Variants in OR1J2 observed in about 807,000 individuals in gnomAD.
OR1J2 encodes the protein olfactory receptor family 1 subfamily J member 2.
For synonymous variants in OR1J2, 142 were observed against 99.7 expected, an observed-to-expected ratio of 1.42 and a Z score of -2.52; for missense variants, 304 against 246.1, an observed-to-expected ratio of 1.24 and a Z score of -1.57.
chr9:122,553,793 T>C, the OR1J2 span: 60 of 1,613,992 alleles, frequency 3.7e-5, no homozygotes, highest in African/African-American at 4.8e-4. Flanking sequence ...CCTGCTCAGA[T>C]ACCCATGTAA....
At chr9:122,575,801 CA>C in the OR1J2 span, among the ~76,000 whole-genome samples, 4 of 152,100 alleles carry the variant, frequency 2.6e-5, no homozygotes, top group African/African-American at 9.7e-5. Flanking sequence ...TAATACAATT[CA>C]ATATTATTAA....
chr9:122,569,115 C>T, the OR1J2 span, among the ~76,000 whole-genome samples: 1 of 152,000 alleles, frequency 6.6e-6, no homozygotes, highest in Non-Finnish European at 1.5e-5. Flanking sequence ...GACTGTTGAA[C>T]GCAGTCAATA....
the OR1J2 span, among the ~76,000 whole-genome samples, chr9:122,536,224 C>G: frequency 0.016 from 2,468 of 152,214 alleles, 63 homozygotes; most frequent in African/African-American, 0.057. Context: ...TTGCTGCCCC[C>G]TTACAACAAG....
the OR1J2 span, among the ~76,000 whole-genome samples, chr9:122,530,983 A>T: frequency 6.6e-6 from 1 of 152,218 alleles, no homozygotes; most frequent in Non-Finnish European, 1.5e-5. Context: ...ATGATGGCTT[A>T]GCTTAGGCTC....
At chr9:122,473,546 T>C in the OR1J2 span, among the ~76,000 whole-genome samples, 3 of 152,224 alleles carry the variant, frequency 2.0e-5, no homozygotes, top group Non-Finnish European at 4.4e-5. Context: ...TTTGTTTTCC[T>C]ATTGGATATA....
chr9:122,522,997 A>G, the OR1J2 span, among the ~76,000 whole-genome samples: 1 of 152,220 alleles, frequency 6.6e-6, no homozygotes, highest in Non-Finnish European at 1.5e-5. Context: ...ATACACTGTT[A>G]CTATCTATAT....
chr9:122,562,459 A>T, the OR1J2 span, among the ~76,000 whole-genome samples: 1 of 151,992 alleles, frequency 6.6e-6, no homozygotes, highest in East Asian at 1.9e-4. Flanking sequence ...AGGGGCTCTC[A>T]AGTGGGATCT....
At chr9:122,454,448 G>T in the OR1J2 span, among the ~76,000 whole-genome samples, 2 of 152,064 alleles carry the variant, frequency 1.3e-5, no homozygotes, top group African/African-American at 4.8e-5. Context: ...AACCTTCTAG[G>T]CTGAGGTTGC....
the OR1J2 span, among the ~76,000 whole-genome samples, chr9:122,557,058 A>G: frequency 6.6e-6 from 1 of 152,138 alleles, no homozygotes; most frequent in Non-Finnish European, 1.5e-5. Flanking sequence ...TATGTAAGAG[A>G]GCAACTGGCT....
chr9:122,563,694 A>G, the OR1J2 span, among the ~76,000 whole-genome samples: 4 of 152,348 alleles, frequency 2.6e-5, no homozygotes, highest in East Asian at 3.9e-4. Context: ...AGCCAGATCA[A>G]TGTCATAAAG....
chr9:122,546,294 G>A, the OR1J2 span, among the ~76,000 whole-genome samples: 742 of 152,162 alleles, frequency 4.9e-3, 1 homozygote, highest in Non-Finnish European at 8.1e-3. Context: ...ACAATTTTTT[G>A]CCACTCTTCC....
chr9:122,524,035 T>C, the OR1J2 span, among the ~76,000 whole-genome samples: 1 of 152,178 alleles, frequency 6.6e-6, no homozygotes, highest in Non-Finnish European at 1.5e-5. Flanking sequence ...AAATTTGAGC[T>C]TATGTTTTGG....
the OR1J2 span, among the ~76,000 whole-genome samples, chr9:122,456,446 TC>T: frequency 6.6e-6 from 1 of 152,224 alleles, no homozygotes; most frequent in Non-Finnish European, 1.5e-5. Flanking sequence ...ACAGTTTTTC[TC>T]TTTTTCTTAT....
the OR1J2 span, among the ~76,000 whole-genome samples, chr9:122,568,967 G>T: frequency 2.7e-5 from 4 of 149,840 alleles, no homozygotes; most frequent in African/African-American, 7.4e-5. Context: ...CAGACTGGGG[G>T]TATTTTAGAT....
chr9:122,489,189 C>A, the OR1J2 span, among the ~76,000 whole-genome samples: 1 of 151,916 alleles, frequency 6.6e-6, no homozygotes, highest in Non-Finnish European at 1.5e-5. Flanking sequence ...GGCATCAAAC[C>A]CAAATTAAAG....
the OR1J2 span, among the ~76,000 whole-genome samples, chr9:122,521,758 T>C: frequency 9.4e-3 from 1,430 of 152,350 alleles, 21 homozygotes; most frequent in African/African-American, 0.033. Flanking sequence ...TCTGTAGAAC[T>C]AAGTGCCTGA....
At chr9:122,524,555 A>G in the OR1J2 span, among the ~76,000 whole-genome samples, 1 of 152,168 alleles carries the variant, frequency 6.6e-6, no homozygotes, top group Non-Finnish European at 1.5e-5. Flanking sequence ...TATTAAGTAA[A>G]CTGAAGTGGA....
chr9:122,470,974 G>C, the OR1J2 span, among the ~76,000 whole-genome samples: 1 of 152,190 alleles, frequency 6.6e-6, no homozygotes, highest in Non-Finnish European at 1.5e-5. Flanking sequence ...GCTTGCTTTT[G>C]ATTTTACAGG....
chr9:122,551,805 G>A, the OR1J2 span, among the ~76,000 whole-genome samples: 1 of 152,068 alleles, frequency 6.6e-6, no homozygotes, highest in East Asian at 1.9e-4. Flanking sequence ...ATAACCTTAA[G>A]AGATATTCCT....
Sources: allele counts gnomAD v4.1 joint callset (sites outside exome capture counted in the v4.1 genomes callset), GRCh38; gene constraint gnomAD v4.1.1; transcripts MANE v1.5; gene names NCBI Gene and HGNC (gene_info 2026-07-23, HGNC 2026-07-21).